Variants in TTLL5 observed in about 807,000 individuals in gnomAD.
TTLL5 encodes tubulin tyrosine ligase like 5.
Under a neutral mutation model 168.4 loss-of-function variants are expected in TTLL5, and 132 were observed. The observed-to-expected ratio is 0.78, with a 90% CI of 0.68 to 0.91. TTLL5 has a LOEUF of 0.91. TTLL5 is among the 40% of genes least tolerant of loss of function. The pLI is 0.00. For synonymous variants in TTLL5, 546 were observed against 558.6 expected, an observed-to-expected ratio of 0.98 and a Z score of 0.32; for missense variants, 1,545 against 1,581.5, an observed-to-expected ratio of 0.98 and a Z score of 0.39.
At chr14:75,756,384 G>A (rs530242144) in intron 18 of TTLL5, among the ~76,000 whole-genome samples, 1 of 152,314 alleles carries the variant, frequency 6.6e-6, no homozygotes, top group South Asian at 2.1e-4. Context: ...GGGCAACATA[G>A]GGGATCTTCA....
intron 30 of TTLL5, among the ~76,000 whole-genome samples, chr14:75,895,567 T>A (rs554125524): frequency 5.3e-5 from 8 of 151,946 alleles, no homozygotes; most frequent in African/African-American, 1.9e-4. Context: ...AAAAATAGAG[T>A]ACCTATTACT....
intron 31 of TTLL5, chr14:75,906,617 G>A (rs2033157009): frequency 1.0e-6 from 1 of 985,774 alleles, no homozygotes; most frequent in South Asian, 4.7e-5. Context: ...ACAATCTGAA[G>A]CCCTTGCTAC....
chr14:75,762,870 A>G (rs894022334), intron 18 of TTLL5, among the ~76,000 whole-genome samples: 1 of 152,222 alleles, frequency 6.6e-6, no homozygotes, highest in Non-Finnish European at 1.5e-5. Flanking sequence ...AATGTAGACA[A>G]TATAAACTCT....
intron 27 of TTLL5, among the ~76,000 whole-genome samples, chr14:75,794,338 G>C (rs916805790): frequency 4.6e-5 from 7 of 152,012 alleles, no homozygotes; most frequent in South Asian, 2.1e-4. Flanking sequence ...AGACGGGAAA[G>C]GCCAGTGCTC....
intron 28 of TTLL5, chr14:75,838,579 AAG>A (rs1896016898): frequency 6.6e-6 from 1 of 152,264 alleles, no homozygotes; most frequent in East Asian, 1.9e-4. Context: ...AAAAAACAAA[AAG>A]ATCTTGGAGG....
chr14:75,937,757 ATCAATGGACACTTGAGT>A (rs2034478413), intron 31 of TTLL5, among the ~76,000 whole-genome samples: 1 of 152,220 alleles, frequency 6.6e-6, no homozygotes, highest in Non-Finnish European at 1.5e-5. Flanking sequence ...CCATTCAGCA[ATCAATGGACACTTGAGT>A]TGCTTCCACC....
At position 75,690,248 on chromosome 14, in the gene TTLL5, A is replaced by G. The variant is rs746505894; in HGVS notation, c.428A>G (p.His143Arg). ...RLYKNIIRMQ[H>R]THGFKAFHIL... is the part of the protein sequence containing the mutation. The stretch of plus-strand genomic sequence containing the variant: ...TACAAAAACATTATTCGAATGCAGC[A>G]TACACATGGATTCAAGGCTTTTCAC... The change falls in exon 6 of 32, where the codon CAT becomes CGT. Residue 143 changes from histidine (H) to arginine (R), a missense_variant. His to Arg is a conservative substitution (Grantham distance 29). Transcript: ENST00000298832. 10 of 1,612,736 alleles carry G rather than the reference A, an allele frequency of 6.2e-6. No homozygotes were observed. In the East Asian group the frequency reaches 1.3e-4, roughly 22 times the overall value.
chr14:75,670,453 T>C (rs762005367), intron 3 of TTLL5, among the ~76,000 whole-genome samples: 1 of 152,218 alleles, frequency 6.6e-6, no homozygotes. Context: ...ATGGAATTGC[T>C]AGGCCATATG....
At chr14:75,804,590 G>A (rs989339291) in intron 27 of TTLL5, among the ~76,000 whole-genome samples, 8 of 152,192 alleles carry the variant, frequency 5.3e-5, no homozygotes, top group African/African-American at 1.2e-4. Flanking sequence ...TTTTGTGGCC[G>A]TTTGTTAACC....
At chr14:75,925,137 G>C in intron 31 of TTLL5, among the ~76,000 whole-genome samples, 2 of 147,636 alleles carry the variant, frequency 1.4e-5, no homozygotes, top group South Asian at 4.3e-4. Context: ...CGGGCGGGTG[G>C]CTGACCCCCC....
intron 31 of TTLL5, among the ~76,000 whole-genome samples, chr14:75,947,426 G>A (rs1254307174): frequency 6.6e-6 from 1 of 152,042 alleles, no homozygotes; most frequent in African/African-American, 2.4e-5. Context: ...ATGGCTAAAG[G>A]TTCACCAAGA....
chr14:75,771,594 C>A, intron 20 of TTLL5, 140 bp from the exon 21 acceptor site: 1 of 1,209,546 alleles, frequency 8.3e-7, no homozygotes, highest in Non-Finnish European at 1.1e-6. Context: ...AATCCTTATT[C>A]ACAGGCTGTA....
chr14:75,738,797 T>TTTTTTTTA (rs1889063893), intron 15 of TTLL5, among the ~76,000 whole-genome samples: 1 of 152,054 alleles, frequency 6.6e-6, no homozygotes, highest in Non-Finnish European at 1.5e-5. Flanking sequence ...GATAGGTAAT[T>TTTTTTTTA]CTAATTTATT....
At chr14:75,741,305 T>A (rs185261800) in intron 15 of TTLL5, among the ~76,000 whole-genome samples, 12 of 152,352 alleles carry the variant, frequency 7.9e-5, no homozygotes, top group African/African-American at 2.9e-4. Flanking sequence ...ATCTAAATCA[T>A]GTATCTTTTA....
chr14:75,815,935 C>T (rs969499768), intron 27 of TTLL5, among the ~76,000 whole-genome samples: 2 of 152,236 alleles, frequency 1.3e-5, no homozygotes, highest in African/African-American at 4.8e-5. Flanking sequence ...GAGTGCCTAA[C>T]ACCGCTACTG....
chr14:75,686,951 C>G (rs1307491474), intron 5 of TTLL5, among the ~76,000 whole-genome samples: 1 of 152,110 alleles, frequency 6.6e-6, no homozygotes, highest in African/African-American at 2.4e-5. Flanking sequence ...AGCACAGACT[C>G]TGTTGAAGGT....
intron 31 of TTLL5, chr14:75,930,776 C>T (rs1056985538): frequency 1.8e-5 from 7 of 384,192 alleles, no homozygotes; most frequent in African/African-American, 4.4e-5. Context: ...CAACCTTAGC[C>T]GGACAATCCT....
At chr14:75,774,567 C>G (rs900519680) in intron 21 of TTLL5, among the ~76,000 whole-genome samples, 5 of 152,146 alleles carry the variant, frequency 3.3e-5, no homozygotes, top group African/African-American at 1.2e-4. Flanking sequence ...GAAATTATCC[C>G]TCAGTGGTCA....
intron 31 of TTLL5, among the ~76,000 whole-genome samples, chr14:75,932,131 A>G (rs2034296087): frequency 6.6e-6 from 1 of 152,228 alleles, no homozygotes; most frequent in African/African-American, 2.4e-5. Context: ...CTTGTAAATT[A>G]TGGGTATTTT....
Sources: allele counts gnomAD v4.1 joint callset (sites outside exome capture counted in the v4.1 genomes callset), GRCh38; gene constraint gnomAD v4.1.1; transcripts MANE v1.5; gene names NCBI Gene and HGNC (gene_info 2026-07-23, HGNC 2026-07-21).